TRIM2: variants seen among roughly 807,000 people sequenced by gnomAD.
TRIM2 encodes the protein tripartite motif-containing protein 2.
TRIM2 carries 20 observed loss-of-function variants against 75.2 expected under a neutral mutation model. The ratio of observed to expected loss-of-function variants is 0.27; its 90% confidence interval spans 0.19 to 0.39. TRIM2 has a LOEUF of 0.39. Among genes scored for constraint, TRIM2 ranks in the 10% least tolerant of loss-of-function variants. The pLI, the probability that TRIM2 is intolerant of heterozygous loss-of-function variation, is 1.00. For synonymous variants in TRIM2, 373 were observed against 388.3 expected, an observed-to-expected ratio of 0.96 and a Z score of 0.46; for missense variants, 660 against 990.8, an observed-to-expected ratio of 0.67 and a Z score of 4.48.
intron 1 of TRIM2, among the ~76,000 whole-genome samples, chr4:153,189,639 C>T (rs920383061): frequency 2.0e-5 from 3 of 152,198 alleles, no homozygotes; most frequent in African/African-American, 7.2e-5. Flanking sequence ...TGCTGTAACT[C>T]TCAGGCTCAT....
At chr4:153,235,788 C>G (rs889543267) in intron 1 of TRIM2, among the ~76,000 whole-genome samples, 11 of 152,256 alleles carry the variant, frequency 7.2e-5, no homozygotes, top group Admixed American at 6.5e-4. Flanking sequence ...ATCAGATTAC[C>G]TTTTCCACAC....
intron 1 of TRIM2, among the ~76,000 whole-genome samples, chr4:153,205,301 G>A (rs891988102): frequency 6.6e-6 from 1 of 152,060 alleles, no homozygotes; most frequent in African/African-American, 2.4e-5. Flanking sequence ...GGGTGTGAAT[G>A]GGTGAGGGTG....
intron 1 of TRIM2, among the ~76,000 whole-genome samples, chr4:153,232,776 A>T (rs1473371184): frequency 6.6e-6 from 1 of 152,230 alleles, no homozygotes; most frequent in Non-Finnish European, 1.5e-5. Context: ...GAACATTCCC[A>T]TGTCTCCTTT....
At chr4:153,191,853 G>A (rs1327512130) in intron 1 of TRIM2, among the ~76,000 whole-genome samples, 1 of 152,160 alleles carries the variant, frequency 6.6e-6, no homozygotes, top group African/African-American at 2.4e-5. Context: ...CATCCCTAAA[G>A]TCATCGTGCC....
intron 7 of TRIM2, 23 bp downstream of exon 7, chr4:153,315,611 T>A: frequency 6.5e-7 from 1 of 1,548,142 alleles, no homozygotes. Flanking sequence ...ATTATATACC[T>A]TTAACTACTT....
At chr4:153,267,014 A>C (rs1391728494) in intron 1 of TRIM2, 1 of 151,378 alleles carries the variant, frequency 6.6e-6, no homozygotes, top group African/African-American at 2.4e-5. Flanking sequence ...ACCAGCCAGC[A>C]GCCGAATTTT....
intron 1 of TRIM2, among the ~76,000 whole-genome samples, chr4:153,232,296 C>T (rs1019149146): frequency 6.6e-5 from 10 of 151,956 alleles, no homozygotes; most frequent in South Asian, 6.2e-4. Context: ...GCAGATGGAT[C>T]GAGACCAGCC....
At chr4:153,162,901 G>A (rs1729881897) in intron 1 of TRIM2, among the ~76,000 whole-genome samples, 1 of 152,174 alleles carries the variant, frequency 6.6e-6, no homozygotes, top group Admixed American at 6.5e-5. Flanking sequence ...ACTGAATTAT[G>A]TGAATTAAAG....
At chr4:153,304,629 C>T (rs563019492) in intron 6 of TRIM2, among the ~76,000 whole-genome samples, 10 of 152,184 alleles carry the variant, frequency 6.6e-5, no homozygotes, top group African/African-American at 2.2e-4. Context: ...TGATAAGGAG[C>T]TGGGACTTTG....
At chr4:153,220,622 A>G (rs553754651) in intron 1 of TRIM2, among the ~76,000 whole-genome samples, 1 of 152,226 alleles carries the variant, frequency 6.6e-6, no homozygotes, top group Non-Finnish European at 1.5e-5. Flanking sequence ...TTTTGCAACA[A>G]TGTAAATGTA....
intron 1 of TRIM2, among the ~76,000 whole-genome samples, chr4:153,206,999 C>T (rs1187479786): frequency 6.6e-6 from 1 of 152,140 alleles, no homozygotes; most frequent in South Asian, 2.1e-4. Context: ...TCCAGATCCT[C>T]CCGCCTCAGC....
intron 1 of TRIM2, among the ~76,000 whole-genome samples, chr4:153,162,608 G>A (rs1400595250): frequency 6.6e-6 from 1 of 152,198 alleles, no homozygotes; most frequent in Non-Finnish European, 1.5e-5. Flanking sequence ...AATAATGTTT[G>A]ACCAAATATC....
At chr4:153,223,637 A>C (rs1355373221) in intron 1 of TRIM2, among the ~76,000 whole-genome samples, 2 of 152,084 alleles carry the variant, frequency 1.3e-5, no homozygotes, top group South Asian at 2.1e-4. Context: ...AAAAGCTGGG[A>C]GTGTGGAGGA....
intron 1 of TRIM2, among the ~76,000 whole-genome samples, chr4:153,249,483 GTT>G (rs912617421): frequency 2.0e-5 from 3 of 152,264 alleles, no homozygotes; most frequent in African/African-American, 7.2e-5. Flanking sequence ...CATTTGCGAG[GTT>G]CTCTCTGAAT....
chr4:153,323,534 T>G (rs1211177630), intron 9 of TRIM2, among the ~76,000 whole-genome samples: 1 of 152,152 alleles, frequency 6.6e-6, no homozygotes, highest in Non-Finnish European at 1.5e-5. Context: ...CAGGCTGGAG[T>G]GCAGTGGCGT....
At chr4:153,210,876 C>A (rs969561483) in intron 1 of TRIM2, among the ~76,000 whole-genome samples, 2 of 152,150 alleles carry the variant, frequency 1.3e-5, no homozygotes, top group Non-Finnish European at 2.9e-5. Flanking sequence ...CGTGTTGGAA[C>A]TGTGACAAGG....
chr4:153,181,670 G>A (rs1246844771), intron 1 of TRIM2, among the ~76,000 whole-genome samples: 2 of 152,164 alleles, frequency 1.3e-5, no homozygotes, highest in Non-Finnish European at 2.9e-5. Context: ...GGTGGGATGT[G>A]GCAGCGATGA....
intron 11 of TRIM2, among the ~76,000 whole-genome samples, chr4:153,333,629 G>A (rs1771975552): frequency 6.6e-6 from 1 of 152,102 alleles, no homozygotes; most frequent in African/African-American, 2.4e-5. Context: ...CCAAAAGAAA[G>A]TGATTTCACA....
chr4:153,270,573 C>T (rs1756435926), intron 2 of TRIM2, 54 bp downstream of exon 2: 1 of 1,437,968 alleles, frequency 7.0e-7, no homozygotes, highest in Non-Finnish European at 9.4e-7. Context: ...CCTCCTACAA[C>T]CTACTGCAGG....
Sources: allele counts gnomAD v4.1 joint callset (sites outside exome capture counted in the v4.1 genomes callset), GRCh38; gene constraint gnomAD v4.1.1; transcripts MANE v1.5; gene names NCBI Gene and HGNC (gene_info 2026-07-23, HGNC 2026-07-21).